The following NXPH1 variants were observed in gnomAD, a reference collection of about 807,000 sequenced individuals.
NXPH1 encodes the protein neurexophilin-1.
A neutral mutation model predicts 23.7 loss-of-function variants in NXPH1; 5 were observed. That is an observed-to-expected ratio of 0.21 (90% CI 0.11 to 0.44). The LOEUF (loss-of-function observed/expected upper bound fraction) is 0.44, where lower values mean the gene tolerates loss of function less well. NXPH1 is among the 20% of genes least tolerant of loss of function. The probability of loss-of-function intolerance (pLI) is 0.99; values close to 1 mark genes in which losing one functional copy is unlikely to be tolerated. For synonymous variants in NXPH1, 144 were observed against 122.2 expected, an observed-to-expected ratio of 1.18 and a Z score of -1.18; for missense variants, 324 against 321.6, an observed-to-expected ratio of 1.01 and a Z score of -0.06.
intron 2 of NXPH1, among the ~76,000 whole-genome samples, chr7:8,717,651 T>C (rs549208306): frequency 2.0e-4 from 30 of 152,152 alleles, no homozygotes; most frequent in Non-Finnish European, 4.1e-4. Flanking sequence ...ATGAAATCTT[T>C]TGTAATACCA....
At chr7:8,689,092 C>T (rs965235517) in intron 2 of NXPH1, among the ~76,000 whole-genome samples, 11 of 152,162 alleles carry the variant, frequency 7.2e-5, no homozygotes, top group African/African-American at 2.2e-4. Flanking sequence ...TTTTAAAGCA[C>T]GTATTGTGCC....
chr7:8,529,874 T>C (rs1817923574), intron 2 of NXPH1, among the ~76,000 whole-genome samples: 1 of 152,208 alleles, frequency 6.6e-6, no homozygotes, highest in South Asian at 2.1e-4. Flanking sequence ...CTCTCTCTTC[T>C]ACCAGCTACC....
At chr7:8,604,074 A>T (rs6950418) in intron 2 of NXPH1, among the ~76,000 whole-genome samples, 45,593 of 148,628 alleles carry the variant, frequency 0.31, 7,642 homozygotes, top group African/African-American at 0.44. Flanking sequence ...GGAAAAAAAT[A>T]AAAAAAAAAG....
At chr7:8,667,216 A>G (rs1169437915) in intron 2 of NXPH1, among the ~76,000 whole-genome samples, 2 of 152,092 alleles carry the variant, frequency 1.3e-5, no homozygotes, top group Non-Finnish European at 2.9e-5. Flanking sequence ...ATATGTGATA[A>G]TTAGCCATTA....
At chr7:8,736,670 G>A (rs1562469920) in intron 2 of NXPH1, among the ~76,000 whole-genome samples, 1 of 152,166 alleles carries the variant, frequency 6.6e-6, no homozygotes. Flanking sequence ...CTGAGTTCAA[G>A]TCCTGAATAT....
At chr7:8,650,379 A>G (rs937280522) in intron 2 of NXPH1, among the ~76,000 whole-genome samples, 14 of 152,296 alleles carry the variant, frequency 9.2e-5, no homozygotes, top group Middle Eastern at 3.4e-3. Flanking sequence ...CCTTTACCTT[A>G]TGTGATTTTT....
intron 2 of NXPH1, among the ~76,000 whole-genome samples, chr7:8,727,278 T>G (rs1332821282): frequency 1.6e-5 from 2 of 121,720 alleles, no homozygotes; most frequent in African/African-American, 3.8e-5. Flanking sequence ...TTTCTCCCAT[T>G]TTGTAGGTTG....
intron 2 of NXPH1, among the ~76,000 whole-genome samples, chr7:8,723,388 C>T (rs889272123): frequency 3.3e-5 from 5 of 152,258 alleles, no homozygotes; most frequent in African/African-American, 1.2e-4. Context: ...AACTTTCTTG[C>T]CACTAAGAGA....
chr7:8,608,441 C>T (rs1471884170), intron 2 of NXPH1, among the ~76,000 whole-genome samples: 2 of 151,872 alleles, frequency 1.3e-5, no homozygotes, highest in Non-Finnish European at 2.9e-5. Context: ...AAGCCTCCCA[C>T]CTCAGTAGCC....
At chr7:8,555,467 GT>G (rs1818342763) in intron 2 of NXPH1, among the ~76,000 whole-genome samples, 1 of 151,626 alleles carries the variant, frequency 6.6e-6, no homozygotes, top group South Asian at 2.1e-4. Flanking sequence ...CAGCAAGCCA[GT>G]TTGTAAAGAG....
chr7:8,449,462 C>G (rs1390694713), intron 2 of NXPH1, among the ~76,000 whole-genome samples: 1 of 152,028 alleles, frequency 6.6e-6, no homozygotes, highest in Admixed American at 6.6e-5. Context: ...GGAGTTTTTT[C>G]CATTTAGTTA....
chr7:8,706,600 G>T (rs1779710928), intron 2 of NXPH1, among the ~76,000 whole-genome samples: 1 of 152,166 alleles, frequency 6.6e-6, no homozygotes, highest in Non-Finnish European at 1.5e-5. Context: ...CCCATCCTCT[G>T]GTTGTCAGTT....
intron 2 of NXPH1, among the ~76,000 whole-genome samples, chr7:8,650,315 T>C (rs945899378): frequency 3.3e-5 from 5 of 152,222 alleles, no homozygotes; most frequent in African/African-American, 9.6e-5. Context: ...TTTATTACTA[T>C]GTGATATTCA....
At chr7:8,699,855 T>C (rs1779593729) in intron 2 of NXPH1, among the ~76,000 whole-genome samples, 1 of 152,148 alleles carries the variant, frequency 6.6e-6, no homozygotes, top group African/African-American at 2.4e-5. Context: ...TCATGGTGAT[T>C]TGTGCTGTCT....
At chr7:8,521,550 A>G (rs1161318425) in intron 2 of NXPH1, among the ~76,000 whole-genome samples, 1 of 152,154 alleles carries the variant, frequency 6.6e-6, no homozygotes, top group African/African-American at 2.4e-5. Flanking sequence ...AGATGGCAGC[A>G]TTGCCAGATG....
intron 2 of NXPH1, among the ~76,000 whole-genome samples, chr7:8,464,551 C>T (rs1212203244): frequency 6.6e-6 from 1 of 152,186 alleles, no homozygotes; most frequent in Admixed American, 6.5e-5. Flanking sequence ...CCTACACATG[C>T]TCAAGGCACC....
rs1464777556 is a variant in NXPH1 at position 8,752,555 on chromosome 7, A to C, written c.*786A>C. On this transcript the variant is annotated 3_prime_UTR_variant, in exon 3 of 3. Transcript: ENST00000405863. The stretch of plus-strand genomic sequence containing the variant: ...AGGCTGCTTAAAATAAGTTCTGATC[A>C]TTATATAAGAAGGGAAATGCCTGGC... 2 of 152,584 alleles carry C rather than the reference A, an allele frequency of 1.3e-5. No individual in the cohort carries two copies. The highest frequency in any genetic ancestry group is 2.4e-5 in the African/African-American group (1 of 41,446). The allele number at this position is 152,584 out of a possible 1,614,324, so 9.5% of individuals were successfully genotyped here. A position where few individuals can be genotyped will look rare whatever the true frequency, so the allele number is the denominator to read the frequency against.
rs538221172 is a variant in NXPH1, at chr7:8,647,120, C to G, written c.55-103888C>G. 1.1e-4 allele frequency among the ~76,000 whole-genome samples: 17 copies of G among 152,276 alleles called. 1 individual carries two copies. The highest frequency in any genetic ancestry group is 6.8e-3 in the Middle Eastern group (2 of 294). ...CAAAGACACGTGTGTTCTGTGAGCTCAAGAGCCTCTGCTGTCCTGCACAAG... is the reference window on the plus strand; with the variant it reads ...CAAAGACACGTGTGTTCTGTGAGCTGAAGAGCCTCTGCTGTCCTGCACAAG... On this transcript the variant is annotated intron_variant, in intron 2 of 2. Transcript: ENST00000405863.
At chr7:8,608,267 A>T (rs571036506) in intron 2 of NXPH1, among the ~76,000 whole-genome samples, 2 of 152,282 alleles carry the variant, frequency 1.3e-5, no homozygotes, top group South Asian at 2.1e-4. Flanking sequence ...GTTCTCAGGG[A>T]TAAATGGAAG....
Sources: allele counts gnomAD v4.1 joint callset (sites outside exome capture counted in the v4.1 genomes callset), GRCh38; gene constraint gnomAD v4.1.1; transcripts MANE v1.5; gene names NCBI Gene and HGNC (gene_info 2026-07-23, HGNC 2026-07-21).